The following LRRC52 variants were observed in gnomAD, a reference collection of about 807,000 sequenced individuals.
The protein encoded by LRRC52 is leucine rich repeat containing 52, also known as leucine-rich repeat-containing protein 52.
In LRRC52, 15 loss-of-function variants were observed where a neutral mutation model predicts 14.7. That is an observed-to-expected ratio of 1.02 (90% CI 0.68 to 1.58). The LOEUF is 1.58. Ranked by LOEUF, LRRC52 falls within the 40% of genes most tolerant of loss-of-function variation. The pLI, the probability that LRRC52 is intolerant of heterozygous loss-of-function variation, is 0.00. For missense variants in LRRC52, 400 were observed against 387.7 expected (o/e 1.03, Z -0.27); for synonymous variants, 180 against 163.9 (o/e 1.10, Z -0.75).
chr1:165,563,000 G>C (rs1661381056), intron 1 of LRRC52, among the ~76,000 whole-genome samples: 1 of 152,088 alleles, frequency 6.6e-6, no homozygotes, highest in Non-Finnish European at 1.5e-5. Context: ...GGATGCTAGT[G>C]ATGCCAGGTT....
At chr1:165,558,793 A>G (rs1291450440) in intron 1 of LRRC52, among the ~76,000 whole-genome samples, 1 of 152,234 alleles carries the variant, frequency 6.6e-6, no homozygotes, top group Non-Finnish European at 1.5e-5. Context: ...TGGGCTTATT[A>G]AAATACAAAG....
intron 1 of LRRC52, among the ~76,000 whole-genome samples, chr1:165,552,593 G>A (rs1661156071): frequency 6.6e-6 from 1 of 152,182 alleles, no homozygotes; most frequent in Non-Finnish European, 1.5e-5. Context: ...GAGAGGTGTA[G>A]ACATTTGAGA....
Position 165,559,844 on chromosome 1 carries a change from T to C in LRRC52, c.623-3661T>C, listed in dbSNP as rs570154832. Among the ~76,000 whole-genome samples the C allele has an allele frequency of 1.8e-4, 27 of 152,360 alleles. No individual in the cohort carries two copies. The East Asian group carries it at 4.6e-3, about 26-fold the overall frequency. On this transcript the variant is annotated intron_variant, in intron 1 of 1. Transcript: ENST00000294818. ...CATACATACATTTAAGAAAGATTTA[T>C]ACAAACAAGTAAGATAATATTTGCC...
chr1:165,562,240 T>C (rs1193388915), intron 1 of LRRC52, among the ~76,000 whole-genome samples: 1 of 152,242 alleles, frequency 6.6e-6, no homozygotes, highest in Non-Finnish European at 1.5e-5. Flanking sequence ...ATTATGTGCA[T>C]CAAGGTTATT....
At chr1:165,551,816 A>G (rs1197360332) in intron 1 of LRRC52, among the ~76,000 whole-genome samples, 1 of 152,126 alleles carries the variant, frequency 6.6e-6, no homozygotes, top group Non-Finnish European at 1.5e-5. Context: ...GACTGTTGTA[A>G]TGGGATAATG....
At chr1:165,549,765 T>C (rs934855392) in intron 1 of LRRC52, among the ~76,000 whole-genome samples, 3 of 152,006 alleles carry the variant, frequency 2.0e-5, no homozygotes, top group African/African-American at 7.3e-5. Flanking sequence ...CATAGAGGGG[T>C]TGTAGAGGAA....
intron 1 of LRRC52, among the ~76,000 whole-genome samples, chr1:165,550,203 G>C (rs1321538374): frequency 6.6e-6 from 1 of 152,162 alleles, no homozygotes; most frequent in African/African-American, 2.4e-5. Flanking sequence ...TTCCCTCAGG[G>C]GACAGGGTTG....
intron 1 of LRRC52, among the ~76,000 whole-genome samples, chr1:165,553,033 C>A (rs2101828175): frequency 6.6e-6 from 1 of 152,152 alleles, no homozygotes; most frequent in Non-Finnish European, 1.5e-5. Flanking sequence ...TATGTTCTGA[C>A]CTGAAATTCA....
Position 165,562,717 on chromosome 1 carries a change from G to A in LRRC52, c.623-788G>A, listed in dbSNP as rs575684186. 2.4e-4 allele frequency among the ~76,000 whole-genome samples: 36 copies of A among 151,582 alleles called. No individual in the cohort carries two copies. The South Asian group carries it at 6.7e-3, about 28-fold the overall frequency. ...TCTGTTATATAGTGAAGGCCATGGC[G>A]CTACATATGGGGAGGTGCTCAGAGA... On this transcript the variant is annotated intron_variant, in intron 1 of 1. Transcript: ENST00000294818.
At chr1:165,548,906 G>GTCC (rs1311059894) in intron 1 of LRRC52, among the ~76,000 whole-genome samples, 1 of 152,162 alleles carries the variant, frequency 6.6e-6, no homozygotes, top group Non-Finnish European at 1.5e-5. Flanking sequence ...TAGATAAGCA[G>GTCC]TGGACTTCAG....
intron 1 of LRRC52, among the ~76,000 whole-genome samples, chr1:165,558,156 G>C (rs1047978464): frequency 5.3e-5 from 8 of 152,246 alleles, no homozygotes; most frequent in Non-Finnish European, 1.0e-4. Context: ...TTCTGACAAA[G>C]AGGTTTTCTG....
chr1:165,547,654 A>C (rs905842819), intron 1 of LRRC52, among the ~76,000 whole-genome samples: 6 of 152,230 alleles, frequency 3.9e-5, no homozygotes, highest in Non-Finnish European at 7.3e-5. Flanking sequence ...GTTTGTATAT[A>C]CCATATATAC....
rs1387793199 is a variant in LRRC52, at chr1:165,544,519, C to T, written c.223C>T (p.Leu75Phe). Residue 75 changes from leucine (L) to phenylalanine (F), a missense_variant, in exon 1 of 2, where the codon CTC becomes TTC. Coordinates refer to ENST00000294818, the MANE Select transcript of LRRC52 (RefSeq NM_001005214.4). The stretch of plus-strand genomic sequence containing the variant: ...TAGTTTGCCAGCAATGCATCTAGGA[C>T]TCCTCAGTGACCTTGTTTATTTGGA... The part of the protein sequence containing the change: ...ITSLPAMHLG[L>F]LSDLVYLDCQ... 1 of 1,614,148 alleles carries T rather than the reference C, an allele frequency of 6.2e-7. No homozygotes were observed. Among genetic ancestry groups the T allele is most frequent in the East Asian group, 2.2e-5 (1 of 44,880 alleles).
intron 1 of LRRC52, among the ~76,000 whole-genome samples, chr1:165,545,864 C>T (rs981749221): frequency 6.6e-5 from 10 of 152,058 alleles, no homozygotes; most frequent in East Asian, 1.9e-4. Context: ...TGATGTAATC[C>T]GGCAAAATTG....
chr1:165,556,390 G>GA (rs1661234412), intron 1 of LRRC52, among the ~76,000 whole-genome samples: 1 of 151,836 alleles, frequency 6.6e-6, no homozygotes, highest in South Asian at 2.1e-4. Context: ...ATATACAAGG[G>GA]GGGGAAATTG....
chr1:165,556,234 C>G (rs191571241), intron 1 of LRRC52, among the ~76,000 whole-genome samples: 6 of 152,220 alleles, frequency 3.9e-5, no homozygotes, highest in Non-Finnish European at 5.9e-5. Context: ...CCATTTGCAA[C>G]CAGTTATACA....
chr1:165,563,527 G>A lies in LRRC52; in HGVS notation c.645G>A (p.Val215=), dbSNP rs746019791. 2.5e-6 allele frequency: 4 copies of A among 1,613,800 alleles called. No individual in the cohort carries two copies. In the Admixed American group the frequency reaches 6.7e-5, roughly 27 times the overall value. The change falls in exon 2 of 2, where the codon GTG becomes GTA. Residue 215 remains valine (V), a synonymous_variant. Coordinates refer to ENST00000294818, the MANE Select transcript of LRRC52 (RefSeq NM_001005214.4). ...DPSDDLNATC[V]EPTELTGWPI... is the part of the protein sequence containing the mutation. ...TAGATGATCTAAATGCCACATGTGT[G>A]GAGCCCACAGAGCTGACAGGGTGGC...
chr1:165,552,587 G>T (rs368948742), intron 1 of LRRC52, among the ~76,000 whole-genome samples: 213 of 152,304 alleles, frequency 1.4e-3, no homozygotes, highest in African/African-American at 4.2e-3. Flanking sequence ...GAGGAGGAGA[G>T]GTGTAGACAT....
chr1:165,551,685 G>T (rs1557964426), intron 1 of LRRC52, among the ~76,000 whole-genome samples: 1 of 152,248 alleles, frequency 6.6e-6, no homozygotes, highest in East Asian at 1.9e-4. Context: ...AGCCACTCAG[G>T]GCCATCTGCA....
Sources: allele counts gnomAD v4.1 joint callset (sites outside exome capture counted in the v4.1 genomes callset), GRCh38; gene constraint gnomAD v4.1.1; transcripts MANE v1.5; gene names NCBI Gene and HGNC (gene_info 2026-07-23, HGNC 2026-07-21).